Variants in CRIM1 observed in about 807,000 individuals in gnomAD.
CRIM1 encodes the protein cysteine-rich motor neuron 1 protein.
Under a neutral mutation model 116.4 loss-of-function variants are expected in CRIM1, and 32 were observed. The observed-to-expected ratio is 0.27, with a 90% CI of 0.21 to 0.37. The LOEUF (loss-of-function observed/expected upper bound fraction) is 0.37, where lower values mean the gene tolerates loss of function less well. Among genes scored for constraint, CRIM1 ranks in the 10% least tolerant of loss-of-function variants. The probability of loss-of-function intolerance (pLI) is 1.00; values close to 1 mark genes in which losing one functional copy is unlikely to be tolerated. For synonymous variants in CRIM1, 590 were observed against 509.2 expected, an observed-to-expected ratio of 1.16 and a Z score of -2.13; for missense variants, 1,331 against 1,354.8, an observed-to-expected ratio of 0.98 and a Z score of 0.28.
intron 7 of CRIM1, among the ~76,000 whole-genome samples, chr2:36,495,851 AT>A: frequency 6.6e-6 from 1 of 152,136 alleles, no homozygotes; most frequent in South Asian, 2.1e-4. Flanking sequence ...ATAATGTGAG[AT>A]TTTTTTCTAG....
At chr2:36,452,453 A>C (rs1361318925) in intron 4 of CRIM1, among the ~76,000 whole-genome samples, 1 of 152,142 alleles carries the variant, frequency 6.6e-6, no homozygotes, top group Non-Finnish European at 1.5e-5. Context: ...GAGCGAGTCA[A>C]CTCATGACTA....
At chr2:36,473,369 A>G (rs1678694116) in intron 5 of CRIM1, among the ~76,000 whole-genome samples, 1 of 152,172 alleles carries the variant, frequency 6.6e-6, no homozygotes, top group African/African-American at 2.4e-5. Flanking sequence ...AAATAGCTTT[A>G]GGAGACACCA....
At chr2:36,538,607 C>T (rs1371165512) in intron 14 of CRIM1, among the ~76,000 whole-genome samples, 1 of 152,118 alleles carries the variant, frequency 6.6e-6, no homozygotes, top group African/African-American at 2.4e-5. Flanking sequence ...ACATGTTGGC[C>T]TTTTGTTTAG....
intron 1 of CRIM1, among the ~76,000 whole-genome samples, chr2:36,358,919 A>G (rs1321728453): frequency 6.6e-6 from 1 of 152,156 alleles, no homozygotes; most frequent in Non-Finnish European, 1.5e-5. Context: ...TCACTTAACG[A>G]CAAGATTTAT....
At chr2:36,447,901 C>T (rs947586061) in intron 4 of CRIM1, among the ~76,000 whole-genome samples, 10 of 152,178 alleles carry the variant, frequency 6.6e-5, no homozygotes, top group African/African-American at 2.4e-4. Context: ...TCTGGGTCTT[C>T]AGGTGAAATT....
intron 2 of CRIM1, among the ~76,000 whole-genome samples, chr2:36,409,762 T>C (rs1572668269): frequency 2.0e-5 from 3 of 152,364 alleles, no homozygotes; most frequent in African/African-American, 4.8e-5. Context: ...TCTTTGTTCT[T>C]TGTGAAATGT....
rs892175166 is a variant in CRIM1, at chr2:36,513,564, G to T, written c.1789G>T (p.Ala597Ser). 4 of 1,614,006 alleles carry T rather than the reference G, an allele frequency of 2.5e-6. No individual in the cohort carries two copies. The African/African-American group carries it at 5.3e-5, about 22-fold the overall frequency. Residue 597 changes from alanine (A) to serine (S), a missense_variant, in exon 11 of 17, where the codon GCT becomes TCT. By Grantham distance (99) the Ala-to-Ser change is moderately conservative. Coordinates refer to ENST00000280527, the MANE Select transcript of CRIM1 (RefSeq NM_016441.3). ...GCCTTTTGTCTGTCCAGAGGCCTCT[G>T]CTTCAGCTGGGCCACCCATCCTGTC... ...CLICKCREASASAGPPILSGT... is the reference protein window; with the variant it reads ...CLICKCREASSSAGPPILSGT...
At chr2:36,425,441 G>A (rs1231430835) in intron 2 of CRIM1, among the ~76,000 whole-genome samples, 2 of 152,180 alleles carry the variant, frequency 1.3e-5, no homozygotes, top group Non-Finnish European at 2.9e-5. Context: ...CTCACTTGAA[G>A]AACTCTATTA....
intron 1 of CRIM1, among the ~76,000 whole-genome samples, chr2:36,371,571 G>T (rs1258017551): frequency 6.6e-6 from 1 of 152,226 alleles, no homozygotes; most frequent in East Asian, 1.9e-4. Flanking sequence ...AGCATTGCAG[G>T]AGGAAGCTCA....
Position 36,550,556 on chromosome 2 carries a change from A to ATTATTATAATGACCTAATTT in CRIM1, c.*1856_*1875dup, listed in dbSNP as rs1667698440. 2 of 152,584 alleles carry ATTATTATAATGACCTAATTT rather than the reference A, an allele frequency of 1.3e-5. No homozygotes were observed. Among genetic ancestry groups the ATTATTATAATGACCTAATTT allele is most frequent in the East Asian group, 3.9e-4 (2 of 5,182 alleles). The allele number at this position is 152,584 out of a possible 1,614,324, so 9.5% of individuals were successfully genotyped here. On this transcript the variant is annotated 3_prime_UTR_variant, in exon 17 of 17. Coordinates refer to ENST00000280527, the MANE Select transcript of CRIM1 (RefSeq NM_016441.3). ...GCTGAACTTTAAAAAAAATTAATTT[A>ATTATTATAATGACCTAATTT]TTATTATAATGACCTAATTTATTAA...
chr2:36,539,419 C>T (rs969682875), intron 14 of CRIM1, among the ~76,000 whole-genome samples: 7 of 152,236 alleles, frequency 4.6e-5, no homozygotes, highest in Middle Eastern at 3.4e-3. Flanking sequence ...GAGAGGCAGC[C>T]ACGGCCAGAC....
At chr2:36,463,522 G>A (rs536845487) in intron 4 of CRIM1, among the ~76,000 whole-genome samples, 3 of 152,114 alleles carry the variant, frequency 2.0e-5, no homozygotes, top group Non-Finnish European at 2.9e-5. Context: ...GGGAACTCCC[G>A]CCGTCATCTT....
At position 36,406,621 on chromosome 2, in the gene CRIM1, C is replaced by A. The variant is rs564852368; in HGVS notation, c.505+9834C>A. Among the ~76,000 whole-genome samples the A allele has an allele frequency of 5.6e-3, 255 of 45,546 alleles. 1 individual carries two copies. The highest frequency in any genetic ancestry group is 0.022 in the African/African-American group (239 of 10,848). 29.9% of individuals were successfully genotyped at this position (45,546 alleles called of 152,430 possible). On this transcript the variant is annotated intron_variant, in intron 2 of 16. Coordinates refer to ENST00000280527, the MANE Select transcript of CRIM1 (RefSeq NM_016441.3). ...GTTTAACTCTGCTAATATTTGACCCCTCCCCCCCCCCCAAAAAAAAACAAA... is the reference window on the plus strand; with the variant it reads ...GTTTAACTCTGCTAATATTTGACCCATCCCCCCCCCCCAAAAAAAAACAAA...
intron 12 of CRIM1, among the ~76,000 whole-genome samples, chr2:36,520,449 G>A (rs747628673): frequency 2.6e-5 from 4 of 152,258 alleles, no homozygotes; most frequent in East Asian, 1.9e-4. Context: ...GTCTCTTAGA[G>A]AAGAAATTAT....
intron 1 of CRIM1, among the ~76,000 whole-genome samples, chr2:36,393,756 G>A (rs1179397326): frequency 6.6e-6 from 1 of 152,156 alleles, no homozygotes; most frequent in African/African-American, 2.4e-5. Flanking sequence ...CCAGGTGGAC[G>A]ACACTCCCGA....
At chr2:36,420,734 G>T (rs978083796) in intron 2 of CRIM1, among the ~76,000 whole-genome samples, 2 of 152,190 alleles carry the variant, frequency 1.3e-5, no homozygotes, top group African/African-American at 4.8e-5. Flanking sequence ...GGTAAGAAAG[G>T]AGAGCACAGT....
chr2:36,421,976 T>G (rs951762881), intron 2 of CRIM1, among the ~76,000 whole-genome samples: 1 of 152,060 alleles, frequency 6.6e-6, no homozygotes, highest in Non-Finnish European at 1.5e-5. Flanking sequence ...GTAAGCACTT[T>G]GGAGAATTCT....
chr2:36,509,913 G>A lies in CRIM1; in HGVS notation c.1502-70G>A, dbSNP rs561803637. ...TGGAAGAGTGGAGGATTCAGGGACC[G>A]TATTTCAGCATCGAAGTGTTCTGCT... On this transcript the variant is annotated intron_variant, in intron 8 of 16. Coordinates refer to ENST00000280527, the MANE Select transcript of CRIM1 (RefSeq NM_016441.3). The A allele has an allele frequency of 1.1e-4, 146 of 1,389,706 alleles. 1 individual carries two copies. The Middle Eastern group carries it at 2.0e-3, about 19-fold the overall frequency. 86.1% of individuals were successfully genotyped at this position (1,389,706 alleles called of 1,614,324 possible). A position where few individuals can be genotyped will look rare whatever the true frequency, so the allele number is the denominator to read the frequency against.
chr2:36,394,658 T>C (rs1335106279), intron 1 of CRIM1, among the ~76,000 whole-genome samples: 2 of 151,816 alleles, frequency 1.3e-5, no homozygotes, highest in Non-Finnish European at 2.9e-5. Flanking sequence ...ATGTTGTTTC[T>C]CAGAACCAAA....
Sources: allele counts gnomAD v4.1 joint callset (sites outside exome capture counted in the v4.1 genomes callset), GRCh38; gene constraint gnomAD v4.1.1; transcripts MANE v1.5; gene names NCBI Gene and HGNC (gene_info 2026-07-23, HGNC 2026-07-21).